SBF2: variants seen among roughly 807,000 people sequenced by gnomAD.
SBF2 encodes the protein SET binding factor 2, also known as myotubularin-related protein 13.
Under a neutral mutation model 225.2 loss-of-function variants are expected in SBF2, and 112 were observed. The ratio of observed to expected loss-of-function variants is 0.50; its 90% CI spans 0.43 to 0.58. SBF2 has a LOEUF of 0.58. SBF2 is among the 20% of genes least tolerant of loss of function. The pLI, the probability that SBF2 is intolerant of heterozygous loss-of-function variation, is 0.00. For synonymous variants in SBF2, 763 were observed against 773.3 expected (o/e 0.99, Z 0.22); for missense variants, 1,996 against 2,206.2 (o/e 0.90, Z 1.91).
At chr11:9,932,411 C>T (rs886562114) in intron 16 of SBF2, among the ~76,000 whole-genome samples, 6 of 152,168 alleles carry the variant, frequency 3.9e-5, no homozygotes, top group Admixed American at 1.3e-4. Flanking sequence ...AAGGGAAGCC[C>T]ATCAGACTAA....
intron 2 of SBF2, among the ~76,000 whole-genome samples, chr11:10,153,198 G>C (rs1184929751): frequency 1.3e-5 from 2 of 152,102 alleles, no homozygotes; most frequent in Non-Finnish European, 2.9e-5. Context: ...TAAACTAGAG[G>C]AAGACTGGAT....
chr11:10,297,549 T>A (rs181510495), upstream of SBF2, among the ~76,000 whole-genome samples: 4 of 152,328 alleles, frequency 2.6e-5, no homozygotes, highest in East Asian at 5.8e-4. Context: ...TTGAGTTAAT[T>A]TTGTAGTGGT....
chr11:9,958,787 C>T, intron 16 of SBF2: 1 of 506,652 alleles, frequency 2.0e-6, no homozygotes, highest in Admixed American at 2.5e-5. Context: ...AAGACACGGG[C>T]AGATGAGGGC....
intron 1 of SBF2, among the ~76,000 whole-genome samples, chr11:10,291,375 T>C (rs1964147631): frequency 6.6e-6 from 1 of 152,162 alleles, no homozygotes; most frequent in Non-Finnish European, 1.5e-5. Flanking sequence ...AGACACTGAA[T>C]CTGTCAGAGT....
rs753121738 is a variant in SBF2, at chr11:9,883,082, C to T, written c.1929+12861G>A. On this transcript the variant is annotated intron_variant, in intron 17 of 39. Transcript: ENST00000256190. ...TCAGGAAGCGGAGGTTGCAGTGAGC[C>T]GAGATTATGCCTCTGCACTCCAGTC... 2.0e-4 allele frequency among the ~76,000 whole-genome samples: 31 copies of T among 151,650 alleles called. No individual in the cohort carries two copies. The East Asian group carries it at 5.3e-3, about 26-fold the overall frequency.
At chr11:10,190,174 A>AAAAAAAAAAAAAAC (rs1262043992) in intron 2 of SBF2, among the ~76,000 whole-genome samples, 13 of 151,950 alleles carry the variant, frequency 8.6e-5, no homozygotes, top group African/African-American at 2.9e-4. Flanking sequence ...AACAGGAGCT[A>AAAAAAAAAAAAAAC]AGGTCAAAAC....
intron 16 of SBF2, among the ~76,000 whole-genome samples, chr11:9,938,452 G>A: frequency 6.8e-6 from 1 of 147,426 alleles, no homozygotes. Context: ...CAATGCCCAG[G>A]AATGGCTTAA....
At chr11:10,300,521 A>G (rs1964585643) in intron 1 of SBF2, among the ~76,000 whole-genome samples, 1 of 151,196 alleles carries the variant, frequency 6.6e-6, no homozygotes, top group Non-Finnish European at 1.5e-5. Context: ...AAAAATATAT[A>G]TAAATATATA....
rs138758860 is a variant in SBF2 at position 10,066,034 on chromosome 11, T to C, written c.142-23053A>G. On this transcript the variant is annotated intron_variant, in intron 2 of 39. Transcript: ENST00000256190. ...CATAACCTGAATAACCCTATATCCA[T>C]TGAAGAAAATAAAACTATAGTTAAA... Among the ~76,000 whole-genome samples, 25 of 152,132 alleles carry C rather than the reference T, an allele frequency of 1.6e-4. 1 individual carries two copies. The highest frequency in any genetic ancestry group is 5.3e-4 in the African/African-American group (22 of 41,528).
At chr11:10,121,478 C>A (rs1000374633) in intron 2 of SBF2, among the ~76,000 whole-genome samples, 1 of 152,156 alleles carries the variant, frequency 6.6e-6, no homozygotes, top group Non-Finnish European at 1.5e-5. Flanking sequence ...AGATATATCC[C>A]CCTCCCACCA....
intron 2 of SBF2, among the ~76,000 whole-genome samples, chr11:10,053,308 C>G (rs1211554696): frequency 1.3e-5 from 2 of 151,984 alleles, no homozygotes; most frequent in African/African-American, 4.8e-5. Context: ...GGAAATAGAA[C>G]TGGTTTTCTA....
chr11:9,790,952 C>A lies in SBF2; in HGVS notation c.4571-269G>T, dbSNP rs542135384. ...TATCAATCATGACTCTTCCAACCCT[C>A]ATCCTGCATCTATATCTAGATTCAA... On this transcript the variant is annotated intron_variant, in intron 33 of 39. Coordinates refer to ENST00000256190, the MANE Select transcript of SBF2 (RefSeq NM_030962.4). 9.7e-6 allele frequency: 3 copies of A among 310,090 alleles called. No individual in the cohort carries two copies. The South Asian group carries it at 1.1e-4, about 12-fold the overall frequency. 19.2% of individuals were successfully genotyped at this position (310,090 alleles called of 1,614,324 possible).
chr11:9,789,907 G>A (rs1042669502), intron 34 of SBF2, among the ~76,000 whole-genome samples: 2 of 152,222 alleles, frequency 1.3e-5, no homozygotes, highest in African/African-American at 4.8e-5. Flanking sequence ...TTAGATGAAG[G>A]AGGGGCATCT....
Position 10,045,362 on chromosome 11 carries a change from T to C in SBF2, c.142-2381A>G, listed in dbSNP as rs186356865. Among the ~76,000 whole-genome samples the C allele has an allele frequency of 2.1e-3, 318 of 152,248 alleles. 2 individuals are homozygous for C. Among genetic ancestry groups the C allele is most frequent in the African/African-American group, 6.2e-3 (258 of 41,546 alleles). ...CATGTATTTTAGTAGCGATGGGGTT[T>C]TGCAATGTTGGCCAGGCTGGTCTTG... On this transcript the variant is annotated intron_variant, in intron 2 of 39. Transcript: ENST00000256190.
chr11:10,187,299 T>C (rs1956965483), intron 2 of SBF2, among the ~76,000 whole-genome samples: 1 of 149,914 alleles, frequency 6.7e-6, no homozygotes, highest in Non-Finnish European at 1.5e-5. Flanking sequence ...TCTCTCTCCT[T>C]TTTCTCTCCT....
chr11:9,904,132 C>T (rs1861944442), intron 16 of SBF2, among the ~76,000 whole-genome samples: 2 of 151,972 alleles, frequency 1.3e-5, no homozygotes, highest in African/African-American at 4.8e-5. Context: ...CACAAATGGA[C>T]CAAATGTTCT....
chr11:9,967,052 A>C (rs559216097), intron 14 of SBF2, among the ~76,000 whole-genome samples: 2 of 152,308 alleles, frequency 1.3e-5, no homozygotes, highest in African/African-American at 4.8e-5. Flanking sequence ...TATATATCCA[A>C]ACAACGGAGT....
At position 10,031,159 on chromosome 11, in the gene SBF2, C is replaced by T. The variant is rs150056369; in HGVS notation, c.291G>A (p.Lys97=). 7.4e-5 allele frequency: 119 copies of T among 1,613,402 alleles called. 1 individual carries two copies. In the African/African-American group the frequency reaches 1.3e-3, roughly 17 times the overall value. Residue 97 remains lysine (K), a synonymous_variant, in exon 4 of 40, where the codon AAG becomes AAA. Transcript: ENST00000256190. ...CTTTTGCTTCACCTTCAATCTCTTCCTTCTTTGTTCCCTAGAAAAAGAGAC... is the reference window on the plus strand; with the variant it reads ...CTTTTGCTTCACCTTCAATCTCTTCTTTCTTTGTTCCCTAGAAAAAGAGAC... ...EAEINLQGTK[K]EEIEGEAKVS... is the part of the protein sequence containing the mutation.
At chr11:10,237,431 C>T (rs1221108849) in intron 1 of SBF2, among the ~76,000 whole-genome samples, 1 of 150,762 alleles carries the variant, frequency 6.6e-6, no homozygotes, top group African/African-American at 2.4e-5. Context: ...AGACCATACA[C>T]TGAAGGCTAC....
Sources: allele counts gnomAD v4.1 joint callset (sites outside exome capture counted in the v4.1 genomes callset), GRCh38; gene constraint gnomAD v4.1.1; transcripts MANE v1.5; gene names NCBI Gene and HGNC (gene_info 2026-07-23, HGNC 2026-07-21).